OSGIN1: variants seen among roughly 807,000 people sequenced by gnomAD.
OSGIN1 encodes the protein oxidative stress-induced growth inhibitor 1.
Under a neutral mutation model 20.1 loss-of-function variants are expected in OSGIN1, and 19 were observed. The ratio of observed to expected loss-of-function variants is 0.95; its 90% confidence interval spans 0.66 to 1.39. The LOEUF is 1.39. Ranked by LOEUF, OSGIN1 falls within the 40% of genes most tolerant of loss-of-function variation. The pLI, the probability that OSGIN1 is intolerant of heterozygous loss-of-function variation, is 0.00. For synonymous variants in OSGIN1, 368 were observed against 297.8 expected, an observed-to-expected ratio of 1.24 and a Z score of -2.43; for missense variants, 820 against 653.0, an observed-to-expected ratio of 1.26 and a Z score of -2.79.
intron 5 of OSGIN1, among the ~76,000 whole-genome samples, chr16:83,963,970 G>A (rs532621666): frequency 8.7e-5 from 13 of 148,856 alleles, no homozygotes; most frequent in South Asian, 4.2e-4. Context: ...TGGTGAGTGC[G>A]TCACATGGGA....
At chr16:83,955,930 G>A (rs1012518872) in intron 1 of OSGIN1, among the ~76,000 whole-genome samples, 1 of 152,136 alleles carries the variant, frequency 6.6e-6, no homozygotes, top group African/African-American at 2.4e-5. Context: ...CGCCAGTGGA[G>A]GCAAGAAAGG....
Position 83,963,207 on chromosome 16 carries a change from C to G in OSGIN1, c.489-1855C>G, listed in dbSNP as rs138618721. ...CAGGAAGACTTCCAGGTTTGTGTAGCTACATGTTAGTAGGCAGCCAGAAAC... is the reference window on the plus strand; with the variant it reads ...CAGGAAGACTTCCAGGTTTGTGTAGGTACATGTTAGTAGGCAGCCAGAAAC... On this transcript the variant is annotated intron_variant, in intron 5 of 5. Coordinates refer to ENST00000393306, the MANE Select transcript of OSGIN1 (RefSeq NM_182981.3). Among the ~76,000 whole-genome samples, 40 of 152,346 alleles carry G rather than the reference C, an allele frequency of 2.6e-4. No individual in the cohort carries two copies. In the East Asian group the frequency reaches 5.6e-3, roughly 21 times the overall value.
At chr16:83,963,828 T>C (rs2084244277) in intron 5 of OSGIN1, among the ~76,000 whole-genome samples, 1 of 149,020 alleles carries the variant, frequency 6.7e-6, no homozygotes, top group South Asian at 2.1e-4. Context: ...AGGAAGGTGC[T>C]AGAATGATGC....
chr16:83,961,174 A>G, intron 5 of OSGIN1, 102 bp downstream of exon 5: 2 of 939,246 alleles, frequency 2.1e-6, no homozygotes, highest in Non-Finnish European at 3.4e-6. Context: ...TTATTTTTCC[A>G]AGGTTGAGGA....
intron 4 of OSGIN1, 94 bp downstream of exon 4, chr16:83,960,854 C>A: frequency 6.7e-7 from 1 of 1,487,366 alleles, no homozygotes; most frequent in South Asian, 1.2e-5. Flanking sequence ...TTTCCTCATT[C>A]TCCACCCCGC....
At chr16:83,962,992 C>G (rs577411568) in intron 5 of OSGIN1, among the ~76,000 whole-genome samples, 1 of 152,270 alleles carries the variant, frequency 6.6e-6, no homozygotes, top group East Asian at 1.9e-4. Flanking sequence ...CCCTGCTCCT[C>G]CTGGGGTGCA....
At chr16:83,953,393 C>T (rs1182678520) in intron 1 of OSGIN1, 23 bp downstream of exon 1, 1 of 1,288,346 alleles carries the variant, frequency 7.8e-7, no homozygotes. Flanking sequence ...GGCCAGGTTC[C>T]GGGGCAGGGA....
rs1909004384 is a variant in OSGIN1, at chr16:83,957,738, G to A, written c.67G>A (p.Gly23Ser). Residue 23 changes from glycine (G) to serine (S), a missense_variant and splice_region_variant, in exon 2 of 6, where the codon GGT (glycine) becomes AGT (serine). Gly to Ser is a moderately conservative substitution (Grantham distance 56). Transcript: ENST00000393306. ...AGAGCCCCTCCCGGTCATCATTGTG[G>A]GTGAGTGTCAGGCCCCAGCCAGGGA... ...SSEPLPVIIV[G>S]NGPSGICLSY... 3 of 1,578,890 alleles carry A rather than the reference G, an allele frequency of 1.9e-6. No individual in the cohort carries two copies. The highest frequency in any genetic ancestry group is 2.6e-6 in the Non-Finnish European group (3 of 1,159,202).
rs1909181521 is a variant in OSGIN1 at position 83,960,882 on chromosome 16, C to T, written c.397-99C>T. ...CACCCCGCAACCCTGCCTCTCCCTC[C>T]TCCCTCTACCCAGCCCCAGCAAAGG... On this transcript the variant is annotated intron_variant, in intron 4 of 5. Coordinates refer to ENST00000393306, the MANE Select transcript of OSGIN1 (RefSeq NM_182981.3). 2.0e-6 allele frequency: 3 copies of T among 1,487,054 alleles called. No individual in the cohort carries two copies. The South Asian group carries it at 3.5e-5, about 17-fold the overall frequency. The allele number at this position is 1,487,054 out of a possible 1,614,324, so 92.1% of individuals were successfully genotyped here. A position where few individuals can be genotyped will look rare whatever the true frequency, so the allele number is the denominator to read the frequency against.
intron 5 of OSGIN1, 27 bp downstream of exon 5, chr16:83,961,099 G>A (rs751369750): frequency 1.2e-5 from 18 of 1,564,216 alleles, no homozygotes; most frequent in South Asian, 1.0e-4. Context: ...ACGCCTTGGG[G>A]GACACGGAAG....
intron 3 of OSGIN1, 133 bp from the exon 4 acceptor site, chr16:83,960,436 C>T (rs1285591208): frequency 1.5e-5 from 10 of 673,628 alleles, no homozygotes; most frequent in South Asian, 1.9e-5. Flanking sequence ...CCCCAGGGTG[C>T]GCATCTCTCT....
chr16:83,954,570 T>A (rs117097779), intron 1 of OSGIN1: 2,340 of 153,932 alleles, frequency 0.015, 31 homozygotes, highest in South Asian at 0.061. Flanking sequence ...TTGTCCGAGG[T>A]TATGAGTGAC....
intron 1 of OSGIN1, among the ~76,000 whole-genome samples, chr16:83,956,286 G>T (rs575292233): frequency 2.0e-5 from 3 of 152,220 alleles, no homozygotes; most frequent in African/African-American, 7.2e-5. Context: ...GCCACACACT[G>T]GTCTCAGCTG....
intron 4 of OSGIN1, 83 bp downstream of exon 4, chr16:83,960,843 C>G: frequency 6.6e-7 from 1 of 1,513,024 alleles, no homozygotes; most frequent in Non-Finnish European, 9.0e-7. Context: ...TGGCATCTCC[C>G]TTTCCTCATT....
At position 83,960,563 on chromosome 16, in the gene OSGIN1, C is replaced by A. The variant is rs568243765; in HGVS notation, c.205-6C>A. On this transcript the variant is annotated splice_region_variant and splice_polypyrimidine_tract_variant and intron_variant, in intron 3 of 5. Coordinates refer to ENST00000393306, the MANE Select transcript of OSGIN1 (RefSeq NM_182981.3). ...AGCAGCCCCTCTGACCTATGCCCCC[C>A]TCCAGGACCTGGACTACCTGTCCGA... 1.2e-6 allele frequency: 2 copies of A among 1,612,152 alleles called. No individual in the cohort carries two copies. The highest frequency in any genetic ancestry group is 1.1e-5 in the South Asian group (1 of 91,008).
chr16:83,965,016 AC>A (rs757042054), intron 5 of OSGIN1, 45 bp from the exon 6 acceptor site: 2 of 1,156,544 alleles, frequency 1.7e-6, no homozygotes, highest in Non-Finnish European at 1.2e-6. Flanking sequence ...CAGCCCCCCA[AC>A]CCCTAACAGT....
rs371517342 is a variant in OSGIN1 at position 83,961,964 on chromosome 16, CT to C, written c.488+906del. Among the ~76,000 whole-genome samples, 714 of 141,392 alleles carry C rather than the reference CT, an allele frequency of 5.0e-3. 3 individuals carry two copies. Among genetic ancestry groups the C allele is most frequent in the Middle Eastern group, 0.012 (3 of 260 alleles). 92.8% of individuals were successfully genotyped at this position (141,392 alleles called of 152,430 possible). A position where few individuals can be genotyped will look rare whatever the true frequency, so the allele number is the denominator to read the frequency against. On this transcript the variant is annotated intron_variant, in intron 5 of 5. Transcript: ENST00000393306. ...ATAGGGTGACTTTCTTTTTTCTTTTCTTTTTTTTTTTTTTAATGCTTTTGCT... is the reference window on the plus strand; with the variant it reads ...ATAGGGTGACTTTCTTTTTTCTTTTCTTTTTTTTTTTTTAATGCTTTTGCT...
intron 3 of OSGIN1, 128 bp downstream of exon 3, chr16:83,959,524 C>A: frequency 1.1e-6 from 1 of 935,518 alleles, no homozygotes. Flanking sequence ...ATTCGAGAGT[C>A]CACAAAGTCA....
At chr16:83,962,613 G>A (rs74873510) in intron 5 of OSGIN1, among the ~76,000 whole-genome samples, 1 of 152,204 alleles carries the variant, frequency 6.6e-6, no homozygotes. Flanking sequence ...CTGATAACAT[G>A]TACACATGGT....
Sources: allele counts gnomAD v4.1 joint callset (sites outside exome capture counted in the v4.1 genomes callset), GRCh38; gene constraint gnomAD v4.1.1; transcripts MANE v1.5; gene names NCBI Gene and HGNC (gene_info 2026-07-23, HGNC 2026-07-21).